Variants in CREB5 observed in about 807,000 individuals in gnomAD.
The protein encoded by CREB5 is cAMP responsive element binding protein 5.
Under a neutral mutation model 57.1 loss-of-function variants are expected in CREB5, and 19 were observed. That is an observed-to-expected ratio of 0.33 (90% confidence interval 0.23 to 0.49). The LOEUF (loss-of-function observed/expected upper bound fraction) is 0.49, where lower values mean the gene tolerates loss of function less well. Ranked by LOEUF, CREB5 falls within the 20% of genes least tolerant of loss-of-function variation. The probability of loss-of-function intolerance (pLI) is 0.99; values close to 1 mark genes in which losing one functional copy is unlikely to be tolerated. For synonymous variants in CREB5, 238 were observed against 238.3 expected (o/e 1.00, Z 0.01); for missense variants, 579 against 671.6 (o/e 0.86, Z 1.52).
At chr7:28,508,873 T>C (rs1282301724) in intron 4 of CREB5, among the ~76,000 whole-genome samples, 3 of 152,214 alleles carry the variant, frequency 2.0e-5, no homozygotes, top group Non-Finnish European at 4.4e-5. Context: ...AGCACTTACA[T>C]AGCAACTATT....
rs1476114691 is a variant in CREB5, at chr7:28,804,151, C to A, written c.703-48C>A. The A allele has an allele frequency of 3.2e-6, 5 of 1,560,136 alleles. No individual in the cohort carries two copies. In the South Asian group the frequency reaches 5.7e-5, roughly 18 times the overall value. Reference sequence around the variant, plus strand: ...TTTGCTTTTAAATCTCTATCATGTACATGACTGACTTCAGTTGTTCTCTCT... The same window carrying A: ...TTTGCTTTTAAATCTCTATCATGTAAATGACTGACTTCAGTTGTTCTCTCT... On this transcript the variant is annotated intron_variant, in intron 7 of 10. Transcript: ENST00000357727.
At chr7:28,443,075 T>C (rs1789271674) in intron 1 of CREB5, among the ~76,000 whole-genome samples, 1 of 152,204 alleles carries the variant, frequency 6.6e-6, no homozygotes, top group South Asian at 2.1e-4. Context: ...AGAGCTGAGA[T>C]TTCCCCCTAC....
At chr7:28,528,580 T>C (rs887079418) in intron 4 of CREB5, among the ~76,000 whole-genome samples, 4 of 151,944 alleles carry the variant, frequency 2.6e-5, no homozygotes, top group Non-Finnish European at 5.9e-5. Context: ...GGCACATGCC[T>C]GTAATCCCAG....
chr7:28,611,832 T>C (rs1797400784), intron 5 of CREB5, among the ~76,000 whole-genome samples: 1 of 152,116 alleles, frequency 6.6e-6, no homozygotes, highest in South Asian at 2.1e-4. Context: ...TACATGGCTG[T>C]ATGCATTTGC....
intron 1 of CREB5, among the ~76,000 whole-genome samples, chr7:28,359,430 A>G (rs1199969859): frequency 1.3e-5 from 2 of 152,204 alleles, no homozygotes; most frequent in East Asian, 1.9e-4. Context: ...TTTACGGCCA[A>G]TTGATTTTTG....
intron 1 of CREB5, among the ~76,000 whole-genome samples, chr7:28,483,239 A>T (rs941019894): frequency 6.6e-6 from 1 of 152,220 alleles, no homozygotes; most frequent in African/African-American, 2.4e-5. Flanking sequence ...CTGGCAAAGC[A>T]TTTGAATGGA....
chr7:28,560,098 T>A (rs1795020029), intron 4 of CREB5, among the ~76,000 whole-genome samples: 2 of 152,242 alleles, frequency 1.3e-5, no homozygotes, highest in African/African-American at 4.8e-5. Context: ...CATTGCTTTA[T>A]CTTTACTTTG....
At chr7:28,513,358 C>T (rs1431359389) in intron 4 of CREB5, 1 of 152,180 alleles carries the variant, frequency 6.6e-6, no homozygotes, top group Non-Finnish European at 1.5e-5. Flanking sequence ...AAAGAATATT[C>T]TGAAACCTAA....
In CREB5 at chr7:28,724,209, T is replaced by A. The variant is rs1424867522; in HGVS notation, c.592-13T>A. ...TTTGCAGACTTCTAATTCTTTTCTTTCCTTTCTCTTAGATGGAGCGACAAA... is the reference window on the plus strand; with the variant it reads ...TTTGCAGACTTCTAATTCTTTTCTTACCTTTCTCTTAGATGGAGCGACAAA... On this transcript the variant is annotated splice_polypyrimidine_tract_variant and intron_variant, in intron 6 of 10. Transcript: ENST00000357727. The A allele has an allele frequency of 6.2e-7, 1 of 1,608,808 alleles. No individual in the cohort carries two copies. Among genetic ancestry groups the A allele is most frequent in the Non-Finnish European group, 8.5e-7 (1 of 1,178,174 alleles).
intron 5 of CREB5, among the ~76,000 whole-genome samples, chr7:28,601,350 G>A (rs1393969480): frequency 2.6e-5 from 4 of 152,112 alleles, no homozygotes; most frequent in African/African-American, 4.8e-5. Flanking sequence ...AATGAAAAAG[G>A]CATTTGCAGG....
At chr7:28,603,918 G>T (rs1173795463) in intron 5 of CREB5, among the ~76,000 whole-genome samples, 3 of 152,124 alleles carry the variant, frequency 2.0e-5, no homozygotes, top group Admixed American at 2.0e-4. Context: ...GCTGAGAGCT[G>T]GGTTGTTTCA....
At chr7:28,380,595 C>T (rs1306014071) in intron 1 of CREB5, among the ~76,000 whole-genome samples, 1 of 152,144 alleles carries the variant, frequency 6.6e-6, no homozygotes, top group Non-Finnish European at 1.5e-5. Flanking sequence ...TCTTTGGCAT[C>T]ACATCCGAGG....
chr7:28,592,088 A>G (rs1166053942), intron 5 of CREB5, among the ~76,000 whole-genome samples: 1 of 152,350 alleles, frequency 6.6e-6, no homozygotes, highest in African/African-American at 2.4e-5. Context: ...GCAGATAGAC[A>G]GGTAAGTCTC....
At chr7:28,795,915 C>T (rs899676948) in intron 7 of CREB5, among the ~76,000 whole-genome samples, 4 of 151,796 alleles carry the variant, frequency 2.6e-5, no homozygotes, top group South Asian at 2.1e-4. Context: ...CACCACATTC[C>T]GCTAATTTTT....
intron 5 of CREB5, among the ~76,000 whole-genome samples, chr7:28,632,741 C>A (rs1239912570): frequency 6.6e-6 from 1 of 152,126 alleles, no homozygotes; most frequent in East Asian, 1.9e-4. Flanking sequence ...TCCCTCGGCT[C>A]GAAGGTTAGC....
intron 1 of CREB5, among the ~76,000 whole-genome samples, chr7:28,460,801 G>A (rs1295752590): frequency 1.3e-5 from 2 of 152,014 alleles, no homozygotes; most frequent in East Asian, 1.9e-4. Flanking sequence ...GGGAGTTGTC[G>A]GGGGAAGAGA....
chr7:28,400,185 T>C (rs1583420945), intron 1 of CREB5, among the ~76,000 whole-genome samples: 1 of 152,180 alleles, frequency 6.6e-6, no homozygotes, highest in East Asian at 1.9e-4. Context: ...CAGAGCATGA[T>C]GGACAATGGG....
chr7:28,796,401 CTTTA>C (rs1808043229), intron 7 of CREB5, among the ~76,000 whole-genome samples: 1 of 152,070 alleles, frequency 6.6e-6, no homozygotes, highest in Non-Finnish European at 1.5e-5. Context: ...TTCCATTGTG[CTTTA>C]TTTTTCATCA....
At chr7:28,337,130 A>G (rs1180784660) in intron 1 of CREB5, among the ~76,000 whole-genome samples, 1 of 152,110 alleles carries the variant, frequency 6.6e-6, no homozygotes, top group African/African-American at 2.4e-5. Flanking sequence ...TCTAGCCTCA[A>G]GAATGATCCA....
Sources: gnomAD v4.1 joint callset for allele counts (sites outside exome capture counted in the v4.1 genomes callset) on GRCh38, gnomAD v4.1.1 for gene constraint, MANE v1.5 for transcripts, NCBI Gene and HGNC (gene_info 2026-07-23, HGNC 2026-07-21) for gene names.